The following SASH1 variants were observed in gnomAD, a reference collection of about 807,000 sequenced individuals.
SASH1 encodes the protein SAM and SH3 domain-containing protein 1.
Under a neutral mutation model 125.2 loss-of-function variants are expected in SASH1, and 44 were observed. The observed-to-expected ratio is 0.35, with a 90% CI of 0.28 to 0.45. The LOEUF (loss-of-function observed/expected upper bound fraction) is 0.45, where lower values mean the gene tolerates loss of function less well. SASH1 is among the 20% of genes least tolerant of loss of function. The pLI is 1.00. For missense variants in SASH1, 1,426 were observed against 1,614.5 expected (o/e 0.88, Z 2.00); for synonymous variants, 639 against 649.1 (o/e 0.98, Z 0.24).
At chr6:148,427,857 C>T (rs911918192) in intron 2 of SASH1, among the ~76,000 whole-genome samples, 2 of 152,158 alleles carry the variant, frequency 1.3e-5, no homozygotes, top group African/African-American at 4.8e-5. Flanking sequence ...TCAGGGAGGC[C>T]CCCTTGGTAT....
rs1448530373 is a variant in SASH1, at chr6:148,487,090, T to TACACACACAC, written c.628-523_628-522insCACACACACA. Among the ~76,000 whole-genome samples, 610 of 100,700 alleles carry TACACACACAC rather than the reference T, an allele frequency of 6.1e-3. 8 individuals carry two copies. The highest frequency in any genetic ancestry group is 0.024 in the African/African-American group (586 of 24,872). 66.1% of individuals were successfully genotyped at this position (100,700 alleles called of 152,430 possible). A position where few individuals can be genotyped will look rare whatever the true frequency, so the allele number is the denominator to read the frequency against. On this transcript the variant is annotated intron_variant, in intron 7 of 19. Coordinates refer to ENST00000367467, the MANE Select transcript of SASH1 (RefSeq NM_015278.5). ...CAAATATATATATATAACACATATA[T>TACACACACAC]ATACACACACACACACACACACATA...
intron 4 of SASH1, among the ~76,000 whole-genome samples, chr6:148,459,331 G>A (rs970131262): frequency 2.6e-5 from 4 of 152,124 alleles, no homozygotes; most frequent in East Asian, 1.9e-4. Flanking sequence ...AGCCCACATC[G>A]CTCCTGCACT....
chr6:148,364,376 C>T (rs1196881290), intron 1 of SASH1, among the ~76,000 whole-genome samples: 1 of 152,188 alleles, frequency 6.6e-6, no homozygotes, highest in Non-Finnish European at 1.5e-5. Context: ...CACACACACT[C>T]ACCATTAGCT....
chr6:148,304,737 C>A (rs1780076706), intron 1 of SASH1, among the ~76,000 whole-genome samples: 1 of 152,174 alleles, frequency 6.6e-6, no homozygotes, highest in Non-Finnish European at 1.5e-5. Context: ...AAAATAACTT[C>A]TACATTCTGG....
At chr6:148,511,373 A>ACACACC (rs1491324851) in intron 8 of SASH1, among the ~76,000 whole-genome samples, 3 of 129,756 alleles carry the variant, frequency 2.3e-5, no homozygotes, top group African/African-American at 8.8e-5. Context: ...ACACACACAC[A>ACACACC]CCTTGGATGA....
chr6:148,364,638 A>G (rs1194216579), intron 1 of SASH1, among the ~76,000 whole-genome samples: 1 of 152,144 alleles, frequency 6.6e-6, no homozygotes, highest in African/African-American at 2.4e-5. Flanking sequence ...CAAGTCCAAA[A>G]GGAAGGTTTC....
Position 148,439,405 on chromosome 6 carries a change from TC to T in SASH1, c.286-778del, listed in dbSNP as rs201423181. On this transcript the variant is annotated intron_variant, in intron 2 of 19. Transcript: ENST00000367467. ...GATTTTTAAGGCTGCAAGATAACAT[TC>T]AGTTAGCTTCCCAACTTCCTAAAGA... Among the ~76,000 whole-genome samples the T allele has an allele frequency of 6.0e-4, 92 of 152,340 alleles. No individual in the cohort carries two copies. In the East Asian group the frequency reaches 0.014, roughly 23 times the overall value.
chr6:148,259,150 C>T, the SASH1 span, among the ~76,000 whole-genome samples: 14 of 152,148 alleles, frequency 9.2e-5, no homozygotes, highest in Non-Finnish European at 1.9e-4. Flanking sequence ...GATATTTATG[C>T]CCAGAGTGGG....
chr6:148,284,439 A>C (rs552292856), intron 1 of SASH1, among the ~76,000 whole-genome samples: 13 of 151,452 alleles, frequency 8.6e-5, no homozygotes, highest in South Asian at 4.2e-4. Flanking sequence ...ACTCCATCCC[A>C]AAAAAAAATA....
the SASH1 span, among the ~76,000 whole-genome samples, chr6:148,210,439 A>AG: frequency 6.6e-6 from 1 of 152,248 alleles, no homozygotes; most frequent in Non-Finnish European, 1.5e-5. Flanking sequence ...AGGCTGAGGC[A>AG]GGAGAATTGC....
In SASH1 at chr6:148,548,449, T is replaced by C; in HGVS notation, c.3635T>C (p.Leu1212Pro). Residue 1212 changes from leucine to proline, a missense_variant, in exon 20 of 20, where the codon CTG becomes CCG. This residue lies in a region of SASH1 where 634 missense variants were observed against 694.4 expected (regional missense o/e 0.91). Coordinates refer to ENST00000367467, the MANE Select transcript of SASH1 (RefSeq NM_015278.5). ...GFSTLSQVPS[L>P]SHTCLQEAGI... The stretch of plus-strand genomic sequence containing the variant: ...AGCACACTGAGCCAAGTGCCTTCTC[T>C]GTCTCACACTTGCCTTCAGGAGGCC... 1.9e-6 allele frequency: 3 copies of C among 1,614,226 alleles called. No homozygotes were observed. The highest frequency in any genetic ancestry group is 2.5e-6 in the Non-Finnish European group (3 of 1,180,040).
intron 1 of SASH1, among the ~76,000 whole-genome samples, chr6:148,283,918 T>TATC (rs1485682847): frequency 2.2e-5 from 3 of 135,324 alleles, no homozygotes; most frequent in Non-Finnish European, 4.8e-5. Context: ...GGAAATATCA[T>TATC]ATCTATGTAA....
chr6:148,544,481 C>G lies in SASH1; in HGVS notation c.3011C>G (p.Pro1004Arg). The change falls in exon 18 of 20, where the codon CCC becomes CGC. Residue 1004 changes from proline (P) to arginine (R), a missense_variant. Pro to Arg is a moderately radical substitution (Grantham distance 103). Coordinates refer to ENST00000367467, the MANE Select transcript of SASH1 (RefSeq NM_015278.5). The surrounding 1 kb of genome is among the most constrained non-coding windows in gnomAD (Gnocchi z 6.4). Reference sequence around the variant, plus strand: ...CTTGCTAACGGACTCCACCCTGTTCCCATGGGCCCCAGTGGGGCCCTCCCC... The same window carrying G: ...CTTGCTAACGGACTCCACCCTGTTCGCATGGGCCCCAGTGGGGCCCTCCCC... ...ERLANGLHPVPMGPSGALPSP... is the reference protein window; with the variant it reads ...ERLANGLHPVRMGPSGALPSP... 1 of 1,614,078 alleles carries G rather than the reference C, an allele frequency of 6.2e-7. No homozygotes were observed. The highest frequency in any genetic ancestry group is 8.5e-7 in the Non-Finnish European group (1 of 1,180,032).
In SASH1 at chr6:148,334,847, A is replaced by G. The variant is rs148288702; in HGVS notation, n.75-55287A>G. 6.3e-3 allele frequency among the ~76,000 whole-genome samples: 930 copies of G among 147,094 alleles called. 3 individuals carry two copies. Among genetic ancestry groups the G allele is most frequent in the Non-Finnish European group, 0.01 (679 of 66,512 alleles). On this transcript the variant is annotated intron_variant and non_coding_transcript_variant, in intron 1 of 3. Transcript: ENST00000367469. Reference sequence around the variant, plus strand: ...AAATTAGCCAGGTATGGTAGCGGGAACCTGTAATTCCAGCTACTCGGGAGG... The same window carrying G: ...AAATTAGCCAGGTATGGTAGCGGGAGCCTGTAATTCCAGCTACTCGGGAGG...
chr6:148,347,629 T>C (rs1479638755), intron 1 of SASH1, among the ~76,000 whole-genome samples: 1 of 152,210 alleles, frequency 6.6e-6, no homozygotes, highest in African/African-American at 2.4e-5. Context: ...AGCAGTTAAT[T>C]TACATGTTCT....
At chr6:148,215,946 C>T in the SASH1 span, among the ~76,000 whole-genome samples, 1 of 152,134 alleles carries the variant, frequency 6.6e-6, no homozygotes, top group Non-Finnish European at 1.5e-5. Flanking sequence ...CAACCTGCAC[C>T]TCCTGAGTTC....
rs879469335 is a variant in SASH1 at position 148,421,197 on chromosome 6, GAAAGAAAGAAAGAAAGAA to G, written c.286-18972_286-18955del. Among the ~76,000 whole-genome samples, 1,368 of 143,132 alleles carry G rather than the reference GAAAGAAAGAAAGAAAGAA, an allele frequency of 9.6e-3. 23 individuals carry two copies. Among genetic ancestry groups the G allele is most frequent in the Non-Finnish European group, 0.015 (932 of 64,090 alleles). 93.9% of individuals were successfully genotyped at this position (143,132 alleles called of 152,430 possible). The stretch of plus-strand genomic sequence containing the variant: ...AGAAAGAAAGAAAGAAAGAAAGAAA[GAAAGAAAGAAAGAAAGAA>G]AAAGAAAGAAAGAAGGAAGTGACTA... On this transcript the variant is annotated intron_variant, in intron 2 of 19. Transcript: ENST00000367467.
rs34513109 is a variant in SASH1 at position 148,302,341 on chromosome 6, A to AAAAAAAT, written n.74+29964_74+29965insAAAAAAT. ...AAAAAAAAAAAAAAAAAAAAAAAAA[A>AAAAAAAT]CTAGTAATATTATGACCTTGGTTAA... On this transcript the variant is annotated intron_variant and non_coding_transcript_variant, in intron 1 of 3. Transcript: ENST00000367469. 6.4e-4 allele frequency among the ~76,000 whole-genome samples: 67 copies of AAAAAAAT among 104,442 alleles called. 13 individuals are homozygous for AAAAAAAT. The highest frequency in any genetic ancestry group is 9.6e-4 in the Non-Finnish European group (51 of 53,242). The allele number at this position is 104,442 out of a possible 152,430, so 68.5% of individuals were successfully genotyped here.
At position 148,519,894 on chromosome 6, in the gene SASH1, G is replaced by T; in HGVS notation, c.1209+1G>T. On this transcript the variant is annotated splice_donor_variant, in intron 10 of 19. Transcript: ENST00000367467. LOFTEE classifies it high-confidence loss of function. This position sits in a 1 kb window ranked among gnomAD's most constrained non-coding sequence, Gnocchi z 4.8. The stretch of plus-strand genomic sequence containing the variant: ...GGGTCTCGGGTCCCTAAGCCACGGG[G>T]TAAGTACGGATGGTGTTTGCTTCTA... The T allele has an allele frequency of 6.4e-7, 1 of 1,551,366 alleles. No individual in the cohort carries two copies. Among genetic ancestry groups the T allele is most frequent in the Non-Finnish European group, 8.7e-7 (1 of 1,150,800 alleles).
Sources: gnomAD v4.1 joint callset for allele counts (sites outside exome capture counted in the v4.1 genomes callset) on GRCh38, gnomAD v4.1.1 for gene constraint, gnomAD v4.1.1 regional missense constraint, Gnocchi (gnomAD v3.1) non-coding constraint, MANE v1.5 for transcripts, NCBI Gene and HGNC (gene_info 2026-07-23, HGNC 2026-07-21) for gene names.